The following KCNIP4 variants were observed in gnomAD, a reference collection of about 807,000 sequenced individuals.
KCNIP4 encodes Kv channel-interacting protein 4.
KCNIP4 carries 12 observed loss-of-function variants against 34.0 expected under a neutral mutation model. The ratio of observed to expected loss-of-function variants is 0.35; its 90% CI spans 0.23 to 0.57. The LOEUF is 0.57. Ranked by LOEUF, KCNIP4 falls within the 20% of genes least tolerant of loss-of-function variation. The pLI, the probability that KCNIP4 is intolerant of heterozygous loss-of-function variation, is 0.83. For missense variants in KCNIP4, 238 were observed against 311.7 expected (o/e 0.76, Z 1.78); for synonymous variants, 124 against 102.2 (o/e 1.21, Z -1.29).
At chr4:21,936,151 T>C (rs1729851352) in intron 1 of KCNIP4, among the ~76,000 whole-genome samples, 1 of 152,034 alleles carries the variant, frequency 6.6e-6, no homozygotes, top group African/African-American at 2.4e-5. Flanking sequence ...AGAGATGATA[T>C]GGTTTGGCTG....
In KCNIP4 at chr4:21,330,960, C is replaced by T. The variant is rs116229015; in HGVS notation, c.62-448251G>A. ...AAAGCTAAAACCTGCCCCTTTAAAG[C>T]CCAACCTGGATCAGGACCGAAATTA... On this transcript the variant is annotated intron_variant, in intron 1 of 8. Coordinates refer to ENST00000382152, the MANE Select transcript of KCNIP4 (RefSeq NM_025221.6). Among the ~76,000 whole-genome samples, 883 of 152,206 alleles carry T rather than the reference C, an allele frequency of 5.8e-3. 12 individuals are homozygous for T. Among genetic ancestry groups the T allele is most frequent in the African/African-American group, 0.021 (862 of 41,530 alleles).
At chr4:21,653,067 G>C (rs1405486679) in intron 1 of KCNIP4, among the ~76,000 whole-genome samples, 1 of 152,134 alleles carries the variant, frequency 6.6e-6, no homozygotes, top group Non-Finnish European at 1.5e-5. Flanking sequence ...GACCTCTCTG[G>C]TGATATTCCA....
chr4:21,034,503 A>G (rs967471879), intron 1 of KCNIP4, among the ~76,000 whole-genome samples: 5 of 152,186 alleles, frequency 3.3e-5, no homozygotes, highest in Admixed American at 3.3e-4. Flanking sequence ...CTAATGCCCT[A>G]TGACTGGGGC....
intron 3 of KCNIP4, among the ~76,000 whole-genome samples, chr4:20,774,648 T>A (rs1756218525): frequency 6.6e-6 from 1 of 152,156 alleles, no homozygotes; most frequent in East Asian, 1.9e-4. Context: ...AAACCAAGTA[T>A]GGAAGGTCTA....
chr4:21,334,461 T>G (rs2109331938), intron 1 of KCNIP4, among the ~76,000 whole-genome samples: 1 of 152,128 alleles, frequency 6.6e-6, no homozygotes, highest in South Asian at 2.1e-4. Flanking sequence ...TAAATAACCT[T>G]AAGGTCTTTT....
intron 1 of KCNIP4, among the ~76,000 whole-genome samples, chr4:20,886,415 T>C (rs146886827): frequency 2.6e-5 from 4 of 152,274 alleles, no homozygotes; most frequent in African/African-American, 9.6e-5. Flanking sequence ...AGAGAATTGA[T>C]GTATGCGTGT....
At chr4:21,901,491 T>C (rs954090252) in intron 1 of KCNIP4, among the ~76,000 whole-genome samples, 3 of 152,220 alleles carry the variant, frequency 2.0e-5, no homozygotes, top group Non-Finnish European at 4.4e-5. Context: ...GCTCTTCATG[T>C]GCCCACACCC....
rs559543576 is a variant in KCNIP4 at position 20,944,242 on chromosome 4, A to G, written c.62-61533T>C. Among the ~76,000 whole-genome samples the G allele has an allele frequency of 4.6e-5, 7 of 152,344 alleles. No homozygotes were observed. The South Asian group carries it at 1.4e-3, about 32-fold the overall frequency. ...TGCCCCTGAAAGGGAATCTCTGGCCACCATGAGTGATCTGGAGGAGCAGTT... is the reference window on the plus strand; with the variant it reads ...TGCCCCTGAAAGGGAATCTCTGGCCGCCATGAGTGATCTGGAGGAGCAGTT... On this transcript the variant is annotated intron_variant, in intron 1 of 8. Coordinates refer to ENST00000382152, the MANE Select transcript of KCNIP4 (RefSeq NM_025221.6).
intron 1 of KCNIP4, among the ~76,000 whole-genome samples, chr4:21,214,697 G>T: frequency 6.6e-6 from 1 of 152,076 alleles, no homozygotes; most frequent in East Asian, 1.9e-4. Context: ...TCTTAATATA[G>T]AGAGAGGTAT....
In KCNIP4 at chr4:21,385,438, C is replaced by T. The variant is rs1263345567; in HGVS notation, c.62-502729G>A. The stretch of plus-strand genomic sequence containing the variant: ...AGAGTATATAGTACAATGGTTAGGA[C>T]TGTGGGCTCCCATACCGGAATGCCT... On this transcript the variant is annotated intron_variant, in intron 1 of 8. Coordinates refer to ENST00000382152, the MANE Select transcript of KCNIP4 (RefSeq NM_025221.6). 2.0e-5 allele frequency among the ~76,000 whole-genome samples: 3 copies of T among 152,122 alleles called. No individual in the cohort carries two copies. In the South Asian group the frequency reaches 6.2e-4, roughly 31 times the overall value.
chr4:21,419,506 AAAT>A (rs1204226691), intron 1 of KCNIP4, among the ~76,000 whole-genome samples: 1 of 152,150 alleles, frequency 6.6e-6, no homozygotes, highest in Non-Finnish European at 1.5e-5. Context: ...CCTATAACAT[AAAT>A]AATAATATCA....
chr4:21,738,173 T>C (rs2109123735), intron 1 of KCNIP4, among the ~76,000 whole-genome samples: 1 of 151,952 alleles, frequency 6.6e-6, no homozygotes, highest in African/African-American at 2.4e-5. Flanking sequence ...TCTAATGAAT[T>C]TATTAATATT....
chr4:20,990,696 C>T (rs1737009584), intron 1 of KCNIP4, among the ~76,000 whole-genome samples: 1 of 152,092 alleles, frequency 6.6e-6, no homozygotes, highest in Non-Finnish European at 1.5e-5. Context: ...GACATTTTTG[C>T]CATAATTTCT....
chr4:21,074,284 G>T (rs1432519652), intron 1 of KCNIP4, among the ~76,000 whole-genome samples: 1 of 152,050 alleles, frequency 6.6e-6, no homozygotes, highest in Admixed American at 6.5e-5. Context: ...TTTTTGGTTG[G>T]TAAGCTATTA....
At chr4:20,877,842 C>G (rs2149518386) in intron 2 of KCNIP4, among the ~76,000 whole-genome samples, 1 of 152,220 alleles carries the variant, frequency 6.6e-6, no homozygotes, top group African/African-American at 2.4e-5. Context: ...TTTGTTTATT[C>G]AACTTCTCAG....
chr4:21,885,744 C>G (rs1053327163), intron 1 of KCNIP4, among the ~76,000 whole-genome samples: 1 of 152,150 alleles, frequency 6.6e-6, no homozygotes, highest in African/African-American at 2.4e-5. Flanking sequence ...GGAGGAGACA[C>G]TTCCTTCCAA....
chr4:21,714,602 T>TAGCTATCCACGCA (rs1714004595), intron 1 of KCNIP4, among the ~76,000 whole-genome samples: 1 of 151,714 alleles, frequency 6.6e-6, no homozygotes, highest in East Asian at 2.0e-4. Context: ...TATGACTTGG[T>TAGCTATCCACGCA]AGCTTTTAGT....
At chr4:20,818,044 G>T (rs1716627800) in intron 3 of KCNIP4, among the ~76,000 whole-genome samples, 1 of 152,172 alleles carries the variant, frequency 6.6e-6, no homozygotes, top group South Asian at 2.1e-4. Flanking sequence ...AATGTCTACT[G>T]CTGTTGTGCA....
In KCNIP4 at chr4:21,173,268, GA is replaced by G. The variant is rs35388656; in HGVS notation, c.62-290560del. 6.0e-3 allele frequency among the ~76,000 whole-genome samples: 905 copies of G among 151,494 alleles called. 8 individuals carry two copies. The highest frequency in any genetic ancestry group is 9.5e-3 in the Non-Finnish European group (646 of 67,832). On this transcript the variant is annotated intron_variant, in intron 1 of 8. Transcript: ENST00000382152. ...ATATTAAAAAGTGCTAGGTTTGGGG[GA>G]AAAAAAACCACTTTGTAAATATCCA...
Sources: allele counts gnomAD v4.1 joint callset (sites outside exome capture counted in the v4.1 genomes callset), GRCh38; gene constraint gnomAD v4.1.1; transcripts MANE v1.5; gene names NCBI Gene and HGNC (gene_info 2026-07-23, HGNC 2026-07-21).